Variants in NALF1 observed in about 807,000 individuals in gnomAD.
NALF1 encodes the protein NALCN channel auxiliary factor 1.
A neutral mutation model predicts 48.4 loss-of-function variants in NALF1; 3 were observed. The ratio of observed to expected loss-of-function variants is 0.06; its 90% CI spans 0.03 to 0.16. The LOEUF (loss-of-function observed/expected upper bound fraction) is 0.16, where lower values mean the gene tolerates loss of function less well. NALF1 is among the 10% of genes least tolerant of loss of function. The pLI, the probability that NALF1 is intolerant of heterozygous loss-of-function variation, is 1.00. For missense variants in NALF1, 526 were observed against 571.5 expected (o/e 0.92, Z 0.81); for synonymous variants, 262 against 245.7 (o/e 1.07, Z -0.62).
At chr13:107,781,487 C>T (rs1420075619) in intron 1 of NALF1, among the ~76,000 whole-genome samples, 1 of 152,034 alleles carries the variant, frequency 6.6e-6, no homozygotes. Context: ...TACTCTGTCT[C>T]CTTTCTAACT....
intron 1 of NALF1, among the ~76,000 whole-genome samples, chr13:107,555,728 T>G (rs1252417711): frequency 1.3e-5 from 2 of 152,098 alleles, no homozygotes. Context: ...AGTGCATCAT[T>G]TATCGGTGTC....
At chr13:107,188,351 G>C (rs1879218955) in intron 2 of NALF1, among the ~76,000 whole-genome samples, 1 of 151,748 alleles carries the variant, frequency 6.6e-6, no homozygotes, top group African/African-American at 2.4e-5. Context: ...ATAATCTCTA[G>C]AGAATTTGCT....
intron 2 of NALF1, among the ~76,000 whole-genome samples, chr13:107,201,467 C>T (rs1879517721): frequency 6.6e-6 from 1 of 152,110 alleles, no homozygotes; most frequent in Non-Finnish European, 1.5e-5. Context: ...GTCCCAGCTA[C>T]TCGGGAGGCT....
chr13:107,799,019 A>G (rs1190268572), intron 1 of NALF1, among the ~76,000 whole-genome samples: 1 of 152,216 alleles, frequency 6.6e-6, no homozygotes, highest in African/African-American at 2.4e-5. Context: ...AGAGCCCTAT[A>G]TAATACAAGT....
chr13:107,218,131 G>A (rs1301812812), intron 1 of NALF1, among the ~76,000 whole-genome samples: 5 of 152,002 alleles, frequency 3.3e-5, no homozygotes, highest in African/African-American at 9.7e-5. Context: ...GCGTGCCCTC[G>A]GTGGCTCTGC....
chr13:107,360,880 T>C (rs1883049465), intron 1 of NALF1, among the ~76,000 whole-genome samples: 1 of 152,122 alleles, frequency 6.6e-6, no homozygotes, highest in Non-Finnish European at 1.5e-5. Context: ...TATTCTCTTT[T>C]TCTCTTGCCA....
intron 1 of NALF1, among the ~76,000 whole-genome samples, chr13:107,691,790 A>G (rs1048258477): frequency 4.6e-5 from 7 of 152,244 alleles, no homozygotes; most frequent in Non-Finnish European, 8.8e-5. Context: ...ATGTACAAAA[A>G]TAACAAAAAG....
At chr13:107,768,005 A>G (rs550398680) in intron 1 of NALF1, among the ~76,000 whole-genome samples, 30 of 152,284 alleles carry the variant, frequency 2.0e-4, no homozygotes, top group African/African-American at 6.7e-4. Context: ...GAACCCGTCT[A>G]TGATGAAGGG....
intron 1 of NALF1, among the ~76,000 whole-genome samples, chr13:107,781,873 G>A (rs1877897960): frequency 1.3e-5 from 2 of 152,116 alleles, no homozygotes; most frequent in African/African-American, 2.4e-5. Context: ...ACACTGCCTA[G>A]CTTAGTATAG....
At chr13:107,659,921 C>T (rs1423396253) in intron 1 of NALF1, among the ~76,000 whole-genome samples, 2 of 151,220 alleles carry the variant, frequency 1.3e-5, no homozygotes, top group Admixed American at 6.6e-5. Flanking sequence ...TTAGTAGAGA[C>T]GGGGTTTCAC....
At chr13:107,421,203 A>G (rs1451871087) in intron 1 of NALF1, among the ~76,000 whole-genome samples, 3 of 152,180 alleles carry the variant, frequency 2.0e-5, no homozygotes, top group Admixed American at 6.5e-5. Flanking sequence ...GACCTTAAAT[A>G]AACATTGGTC....
intron 1 of NALF1, among the ~76,000 whole-genome samples, chr13:107,224,563 C>T (rs948229213): frequency 1.3e-5 from 2 of 151,668 alleles, no homozygotes; most frequent in East Asian, 1.9e-4. Flanking sequence ...ATTTTATGTC[C>T]GTAGCAATGT....
intron 1 of NALF1, among the ~76,000 whole-genome samples, chr13:107,613,916 C>T (rs1205658242): frequency 1.3e-5 from 2 of 152,164 alleles, no homozygotes; most frequent in Non-Finnish European, 2.9e-5. Context: ...TTCCTGTTGG[C>T]AAGTCACTTA....
At chr13:107,589,369 T>G (rs183943349) in intron 1 of NALF1, among the ~76,000 whole-genome samples, 3 of 152,172 alleles carry the variant, frequency 2.0e-5, no homozygotes, top group African/African-American at 7.2e-5. Context: ...CAAATGGCAA[T>G]GGCAATCTTT....
Position 107,461,628 on chromosome 13 carries a change from A to C in NALF1, c.916-250873T>G, listed in dbSNP as rs554905912. On this transcript the variant is annotated intron_variant, in intron 1 of 2. Transcript: ENST00000375915. ...AGGTCAAAAATATTTTCAAGTTTTC[A>C]AAACTTTTTTTTGAATTATGCTAGC... Among the ~76,000 whole-genome samples the C allele has an allele frequency of 3.9e-5, 6 of 152,324 alleles. No homozygotes were observed. The South Asian group carries it at 1.2e-3, about 32-fold the overall frequency.
chr13:107,752,408 G>T (rs995103293), intron 1 of NALF1, among the ~76,000 whole-genome samples: 1 of 151,880 alleles, frequency 6.6e-6, no homozygotes, highest in East Asian at 1.9e-4. Context: ...TACATATATT[G>T]TATAATAAAT....
At position 107,538,864 on chromosome 13, in the gene NALF1, T is replaced by C. The variant is rs558453320; in HGVS notation, c.915+326818A>G. ...GTCCAGCATAGCACTTTAAATATAG[T>C]TAATGGTCAATATAGCTTAGCTTTC... On this transcript the variant is annotated intron_variant, in intron 1 of 2. Coordinates refer to ENST00000375915, the MANE Select transcript of NALF1 (RefSeq NM_001080396.3). 7.9e-5 allele frequency among the ~76,000 whole-genome samples: 12 copies of C among 152,296 alleles called. No homozygotes were observed. The South Asian group carries it at 2.5e-3, about 32-fold the overall frequency.
intron 1 of NALF1, among the ~76,000 whole-genome samples, chr13:107,352,169 G>A (rs1168940064): frequency 3.9e-5 from 6 of 152,190 alleles, no homozygotes; most frequent in African/African-American, 9.6e-5. Flanking sequence ...TCTGTAAACC[G>A]GCCAGAATCA....
At chr13:107,762,715 A>G (rs574118506) in intron 1 of NALF1, among the ~76,000 whole-genome samples, 1 of 152,312 alleles carries the variant, frequency 6.6e-6, no homozygotes, top group African/African-American at 2.4e-5. Flanking sequence ...ACAGGGTCTC[A>G]GTTTTGCAAG....
Sources: gnomAD v4.1 joint callset for allele counts (sites outside exome capture counted in the v4.1 genomes callset) on GRCh38, gnomAD v4.1.1 for gene constraint, MANE v1.5 for transcripts, NCBI Gene and HGNC (gene_info 2026-07-23, HGNC 2026-07-21) for gene names.